C6: variants seen among roughly 807,000 people sequenced by gnomAD.
C6 encodes complement component C6.
A neutral mutation model predicts 112.9 loss-of-function variants in C6; 101 were observed. That is an observed-to-expected ratio of 0.89 (90% CI 0.76 to 1.06). The LOEUF (loss-of-function observed/expected upper bound fraction) is 1.06. Ranked by LOEUF, C6 falls within the 50% of genes least tolerant of loss-of-function variation. The pLI is 0.00. For synonymous variants in C6, 431 were observed against 384.1 expected (o/e 1.12, Z -1.43); for missense variants, 1,202 against 1,104.6 (o/e 1.09, Z -1.25).
chr5:41,176,837 C>G lies in C6; in HGVS notation c.928-122G>C, dbSNP rs568256457. On this transcript the variant is annotated intron_variant, in intron 7 of 17. Coordinates refer to ENST00000337836, the MANE Select transcript of C6 (RefSeq NM_000065.5). Reference sequence around the variant, plus strand: ...CACCACAGAATTACAATAATTCTCACTCTCTATTGCATGTTCTCACGTACA... The same window carrying G: ...CACCACAGAATTACAATAATTCTCAGTCTCTATTGCATGTTCTCACGTACA... 11 of 940,590 alleles carry G rather than the reference C, an allele frequency of 1.2e-5. No homozygotes were observed. In the African/African-American group the frequency reaches 1.7e-4, roughly 14 times the overall value. The allele number at this position is 940,590 out of a possible 1,614,324, so 58.3% of individuals were successfully genotyped here. A position where few individuals can be genotyped will look rare whatever the true frequency, so the allele number is the denominator to read the frequency against.
chr5:41,193,795 A>AT (rs11460725), intron 5 of C6, among the ~76,000 whole-genome samples: 7,062 of 137,368 alleles, frequency 0.051, 249 homozygotes, highest in East Asian at 0.11. Context: ...TCAGGAAGCT[A>AT]TTTTTTTTTT....
At chr5:41,178,824 G>T (rs991968936) in intron 7 of C6, among the ~76,000 whole-genome samples, 4 of 150,894 alleles carry the variant, frequency 2.7e-5, no homozygotes, top group African/African-American at 7.3e-5. Context: ...ACTAATCAAA[G>T]ATGACAGTAA....
intron 6 of C6, among the ~76,000 whole-genome samples, chr5:41,182,032 G>T (rs1749393532): frequency 6.6e-6 from 1 of 152,038 alleles, no homozygotes; most frequent in Admixed American, 6.6e-5. Context: ...GTCTGACTTC[G>T]GGATCACAGT....
At chr5:41,220,585 A>G (rs1170769248) in intron 1 of C6, among the ~76,000 whole-genome samples, 1 of 152,136 alleles carries the variant, frequency 6.6e-6, no homozygotes, top group Non-Finnish European at 1.5e-5. Context: ...TACTATAACC[A>G]TATGAGTGAG....
chr5:41,242,000 G>A (rs1044928977), intron 1 of C6, among the ~76,000 whole-genome samples: 3 of 152,092 alleles, frequency 2.0e-5, no homozygotes, highest in Admixed American at 2.0e-4. Context: ...GGGAGCTTAA[G>A]TTTGAGCTCA....
intron 9 of C6, among the ~76,000 whole-genome samples, chr5:41,168,990 G>T (rs879456055): frequency 2.0e-5 from 3 of 152,156 alleles, no homozygotes; most frequent in Middle Eastern, 3.4e-3. Context: ...AACAGGCAAG[G>T]GTTCCCTAAA....
intron 1 of C6, among the ~76,000 whole-genome samples, chr5:41,247,983 C>T (rs1256006451): frequency 3.3e-5 from 5 of 152,090 alleles, no homozygotes; most frequent in Non-Finnish European, 7.4e-5. Flanking sequence ...AAAACAGACA[C>T]ATAGACCAAT....
At chr5:41,219,060 T>A (rs1739012748) in intron 1 of C6, among the ~76,000 whole-genome samples, 1 of 152,198 alleles carries the variant, frequency 6.6e-6, no homozygotes, top group African/African-American at 2.4e-5. Context: ...ACTCCAACAA[T>A]TTCACAAGTG....
chr5:41,160,330 C>G lies in C6; in HGVS notation c.1496G>C (p.Cys499Ser), dbSNP rs771346649. Residue 499 changes from cysteine to serine, a missense_variant, in exon 11 of 18, where the codon TGT becomes TCT. By Grantham distance (112) the Cys-to-Ser change is moderately radical. Transcript: ENST00000337836. ...GAGGTTGTTCCGTTTTGTCACTGCACAGGGGATGTTTCTTACCAAGTCCAC... is the reference window on the plus strand; with the variant it reads ...GAGGTTGTTCCGTTTTGTCACTGCAGAGGGGATGTTTCTTACCAAGTCCAC... ...PIVDLVRNIP[C>S]AVTKRNNLRK... 6.2e-7 allele frequency: 1 copy of G among 1,613,802 alleles called. No individual in the cohort carries two copies. Among genetic ancestry groups the G allele is most frequent in the Non-Finnish European group, 8.5e-7 (1 of 1,179,822 alleles).
At chr5:41,253,297 C>T (rs978337404) in intron 1 of C6, among the ~76,000 whole-genome samples, 18 of 152,070 alleles carry the variant, frequency 1.2e-4, no homozygotes, top group African/African-American at 3.4e-4. Flanking sequence ...CTTTGCTGGG[C>T]CTCAGGTGGT....
intron 12 of C6, 22 bp downstream of exon 12, chr5:41,159,060 C>A: frequency 6.2e-7 from 1 of 1,613,246 alleles, no homozygotes; most frequent in Non-Finnish European, 8.5e-7. Flanking sequence ...ATGACCCATT[C>A]TTTTCCCTTA....
chr5:41,167,697 C>T (rs1022479736), intron 9 of C6, among the ~76,000 whole-genome samples: 5 of 152,034 alleles, frequency 3.3e-5, no homozygotes, highest in Non-Finnish European at 7.4e-5. Context: ...AAGCTTGAGG[C>T]ACAAAGAGGG....
intron 6 of C6, among the ~76,000 whole-genome samples, chr5:41,183,841 A>T (rs1368580313): frequency 2.6e-5 from 4 of 152,236 alleles, no homozygotes; most frequent in Admixed American, 2.6e-4. Flanking sequence ...ACATGGATAC[A>T]GCTGGAGACC....
chr5:41,213,032 T>C (rs897963061), intron 1 of C6: 1 of 152,154 alleles, frequency 6.6e-6, no homozygotes, highest in Admixed American at 6.6e-5. Flanking sequence ...GCCCAGAGGC[T>C]CAAGAAATGA....
chr5:41,166,674 T>C (rs2150287290), intron 9 of C6, among the ~76,000 whole-genome samples: 1 of 151,044 alleles, frequency 6.6e-6, no homozygotes, highest in East Asian at 2.2e-4. Flanking sequence ...TAATACAGTG[T>C]GATGAGTGCT....
intron 17 of C6, among the ~76,000 whole-genome samples, chr5:41,144,546 C>A (rs1745635773): frequency 6.6e-6 from 1 of 152,138 alleles, no homozygotes; most frequent in African/African-American, 2.4e-5. Flanking sequence ...GGATTACAGG[C>A]GTGGACCACA....
chr5:41,218,393 G>GA (rs887807184), upstream of C6, among the ~76,000 whole-genome samples: 11 of 150,416 alleles, frequency 7.3e-5, no homozygotes, highest in East Asian at 1.9e-4. Context: ...AAACAAAACA[G>GA]AAAAAAAAAT....
rs142045537 is a variant in C6, at chr5:41,199,802, C to A, written c.411G>T (p.Glu137Asp). ...CIPSKLCKIE[E>D]ADCKNKFRCD... Reference sequence around the variant, plus strand: ...AGCGAAATTTATTCTTGCAGTCAGCCTCTTCAATTTTGCAGAGCTTAGATG... The same window carrying A: ...AGCGAAATTTATTCTTGCAGTCAGCATCTTCAATTTTGCAGAGCTTAGATG... Residue 137 changes from glutamate (E) to aspartate (D), a missense_variant, in exon 4 of 18, where the codon GAG becomes GAT. Physicochemically the swap from Glu to Asp is conservative, Grantham distance 45. Transcript: ENST00000337836. 61 of 1,613,694 alleles carry A rather than the reference C, an allele frequency of 3.8e-5. No homozygotes were observed. Among genetic ancestry groups the A allele is most frequent in the Admixed American group, 1.2e-4 (7 of 59,982 alleles).
chr5:41,224,625 C>T (rs75168935), intron 1 of C6, among the ~76,000 whole-genome samples: 1,894 of 151,872 alleles, frequency 0.012, 42 homozygotes, highest in African/African-American at 0.044. Context: ...CATGGGTATA[C>T]TACATTTTGT....
Sources: gnomAD v4.1 joint callset for allele counts (sites outside exome capture counted in the v4.1 genomes callset) on GRCh38, gnomAD v4.1.1 for gene constraint, MANE v1.5 for transcripts, NCBI Gene and HGNC (gene_info 2026-07-23, HGNC 2026-07-21) for gene names.